ORC4: variants seen among roughly 807,000 people sequenced by gnomAD.
ORC4 encodes the protein origin recognition complex subunit 4.
ORC4 carries 55 observed loss-of-function variants against 63.9 expected under a neutral mutation model. The observed-to-expected ratio is 0.86, with a 90% CI of 0.69 to 1.08. The LOEUF (loss-of-function observed/expected upper bound fraction) is 1.08. Among genes scored for constraint, ORC4 ranks in the 50% least tolerant of loss-of-function variants. ORC4 has a pLI of 0.00. For missense variants in ORC4, 511 were observed against 504.4 expected, an observed-to-expected ratio of 1.01 and a Z score of -0.13; for synonymous variants, 150 against 168.5, an observed-to-expected ratio of 0.89 and a Z score of 0.85.
chr2:148,015,461 C>T (rs1375828303), intron 1 of ORC4, among the ~76,000 whole-genome samples: 1 of 151,490 alleles, frequency 6.6e-6, no homozygotes, highest in Non-Finnish European at 1.5e-5. Context: ...ACTACAGGCA[C>T]CCGCCACCAC....
intron 4 of ORC4, among the ~76,000 whole-genome samples, chr2:147,971,847 T>C (rs560831124): frequency 7.2e-5 from 11 of 152,138 alleles, no homozygotes; most frequent in Admixed American, 2.0e-4. Flanking sequence ...TGAAAGAAAT[T>C]ACCTAGATCT....
chr2:147,952,412 T>C lies in ORC4; in HGVS notation c.549A>G (p.Ala183=). 4 of 1,611,014 alleles carry C rather than the reference T, an allele frequency of 2.5e-6. No individual in the cohort carries two copies. The highest frequency in any genetic ancestry group is 3.4e-6 in the Non-Finnish European group (4 of 1,177,284). ...GACCAATAACTGCTATTGGGGTCTG[T>C]GCAGACTGAGAAATGTCAAAAAGAT... ...LYNLFDISQS[A]QTPIAVIGLT... The change falls in exon 8 of 14, where the codon GCA becomes GCG. Residue 183 remains alanine, a synonymous_variant. Transcript: ENST00000392857.
Position 147,975,951 on chromosome 2 carries a change from C to T in ORC4, c.8G>A (p.Ser3Asn), listed in dbSNP as rs1690526677. MS[S>N]RKSKSNSLIH... ...TAAGCTGTTACTCTTTGATTTACGA[C>T]TGCTCATTTCAACAAATTCAAATCC... Residue 3 changes from serine (S) to asparagine (N), a missense_variant, in exon 2 of 14, where the codon AGT becomes AAT. By Grantham distance (46) the Ser-to-Asn change is conservative. Transcript: ENST00000392857. The T allele has an allele frequency of 1.9e-6, 3 of 1,578,012 alleles. No homozygotes were observed. The highest frequency in any genetic ancestry group is 1.1e-5 in the South Asian group (1 of 90,270).
intron 2 of ORC4, among the ~76,000 whole-genome samples, chr2:147,975,352 C>CA (rs1358014560): frequency 1.3e-5 from 2 of 151,870 alleles, no homozygotes; most frequent in African/African-American, 2.4e-5. Context: ...AGGGCATCTA[C>CA]AAAAAAATCC....
intron 1 of ORC4, among the ~76,000 whole-genome samples, chr2:147,985,760 T>A (rs1441204903): frequency 6.6e-6 from 1 of 152,130 alleles, no homozygotes; most frequent in Non-Finnish European, 1.5e-5. Context: ...GTCCTTCATG[T>A]CAAATTTGAA....
At chr2:147,943,413 A>C (rs769176559) in intron 10 of ORC4, 23 bp downstream of exon 10, 1 of 1,470,408 alleles carries the variant, frequency 6.8e-7, no homozygotes, top group African/African-American at 1.4e-5. Context: ...AGCAACAAGC[A>C]ATAAAACAAA....
upstream of ORC4, chr2:148,021,461 T>A (rs1472021915): frequency 1.7e-6 from 1 of 576,288 alleles, no homozygotes; most frequent in African/African-American, 1.9e-5. Context: ...TTGCTGCTGC[T>A]GTTGCTGCTG....
At position 147,975,928 on chromosome 2, in the gene ORC4, A is replaced by G. The variant is rs1432906768; in HGVS notation, c.31T>C (p.Leu11=). 2.5e-6 allele frequency: 4 copies of G among 1,594,720 alleles called. No individual in the cohort carries two copies. The highest frequency in any genetic ancestry group is 2.6e-6 in the Non-Finnish European group (3 of 1,162,720). ...TGTGAAAGGCACTCTGTGTGAATTA[A>G]GCTGTTACTCTTTGATTTACGACTG... MSSRKSKSNS[L]IHTECLSQVQ... is the part of the protein sequence containing the mutation. Residue 11 remains leucine, a synonymous_variant, in exon 2 of 14, where the codon TTA becomes CTA. Coordinates refer to ENST00000392857, the MANE Select transcript of ORC4 (RefSeq NM_181741.4).
intron 1 of ORC4, among the ~76,000 whole-genome samples, chr2:147,989,718 C>T (rs939707858): frequency 4.0e-5 from 6 of 150,374 alleles, no homozygotes; most frequent in Non-Finnish European, 8.8e-5. Context: ...AAAACAACAA[C>T]AATAGGAACA....
In ORC4 at chr2:147,939,131, G is replaced by A. The variant is rs753529134; in HGVS notation, c.958+9C>T. On this transcript the variant is annotated intron_variant, in intron 11 of 13. Transcript: ENST00000392857. ...AACCACAATTTAAAAAATAAGGCTG[G>A]GTTCTCACCATGTACAATATTTGCT... is the stretch of plus-strand genomic sequence containing the variant. The A allele has an allele frequency of 6.6e-7, 1 of 1,506,648 alleles. No individual in the cohort carries two copies. The highest frequency in any genetic ancestry group is 2.3e-5 in the East Asian group (1 of 44,296). The allele number at this position is 1,506,648 out of a possible 1,614,324, so 93.3% of individuals were successfully genotyped here.
chr2:147,954,512 C>A (rs13419747), intron 7 of ORC4, among the ~76,000 whole-genome samples: 8,919 of 152,134 alleles, frequency 0.059, 855 homozygotes, highest in African/African-American at 0.2. Flanking sequence ...CTAAACATAT[C>A]TAAACACAGG....
intron 1 of ORC4, among the ~76,000 whole-genome samples, chr2:147,979,728 C>A (rs528417324): frequency 2.6e-5 from 4 of 152,164 alleles, no homozygotes; most frequent in East Asian, 1.9e-4. Context: ...GGCATAAAAA[C>A]AAACATACAG....
At chr2:147,967,787 T>C (rs1484571682) in intron 4 of ORC4, among the ~76,000 whole-genome samples, 4 of 151,864 alleles carry the variant, frequency 2.6e-5, no homozygotes, top group African/African-American at 9.7e-5. Flanking sequence ...TTCACAGAGA[T>C]AGAAAAAAAA....
chr2:147,972,253 T>C (rs897163193), intron 4 of ORC4, among the ~76,000 whole-genome samples: 2 of 151,970 alleles, frequency 1.3e-5, no homozygotes, highest in Non-Finnish European at 2.9e-5. Flanking sequence ...ACTGTGTAAG[T>C]TAGGGTTAAA....
At chr2:147,963,499 G>A (rs1558846201) in intron 4 of ORC4, among the ~76,000 whole-genome samples, 1 of 152,144 alleles carries the variant, frequency 6.6e-6, no homozygotes, top group Non-Finnish European at 1.5e-5. Flanking sequence ...CCCCTCAGCA[G>A]ATACGGCCCT....
intron 4 of ORC4, among the ~76,000 whole-genome samples, chr2:147,964,228 T>C (rs1052690652): frequency 6.6e-6 from 1 of 151,836 alleles, no homozygotes; most frequent in Non-Finnish European, 1.5e-5. Flanking sequence ...GAAAAACAAC[T>C]TGTGATTCGA....
At chr2:148,011,604 A>C (rs1029186234) in intron 1 of ORC4, among the ~76,000 whole-genome samples, 1 of 152,208 alleles carries the variant, frequency 6.6e-6, no homozygotes, top group Non-Finnish European at 1.5e-5. Flanking sequence ...AGTTAGTAAC[A>C]GAAGTCCTAG....
At position 147,955,325 on chromosome 2, in the gene ORC4, G is replaced by A. The variant is rs199847853; in HGVS notation, c.436+22C>T. On this transcript the variant is annotated intron_variant, in intron 7 of 13. Transcript: ENST00000392857. Reference sequence around the variant, plus strand: ...AAAGTTAAAACAGATCTTCTGAAACGGCTGAATATGTTAATATTTACCTTT... The same window carrying A: ...AAAGTTAAAACAGATCTTCTGAAACAGCTGAATATGTTAATATTTACCTTT... 2.6e-4 allele frequency: 406 copies of A among 1,535,804 alleles called. 2 individuals carry two copies. Among genetic ancestry groups the A allele is most frequent in the South Asian group, 3.9e-4 (34 of 88,010 alleles).
At chr2:148,002,143 C>A (rs1031001205) in intron 1 of ORC4, among the ~76,000 whole-genome samples, 1 of 151,528 alleles carries the variant, frequency 6.6e-6, no homozygotes, top group Non-Finnish European at 1.5e-5. Flanking sequence ...AGACTTAGAC[C>A]CCCCCACAAC....
Sources: gnomAD v4.1 joint callset for allele counts (sites outside exome capture counted in the v4.1 genomes callset) on GRCh38, gnomAD v4.1.1 for gene constraint, MANE v1.5 for transcripts, NCBI Gene and HGNC (gene_info 2026-07-23, HGNC 2026-07-21) for gene names.